GPD2: variants seen among roughly 807,000 people sequenced by gnomAD.
GPD2 encodes glycerol-3-phosphate dehydrogenase 2.
A neutral mutation model predicts 82.4 loss-of-function variants in GPD2; 54 were observed. That is an observed-to-expected ratio of 0.66 (90% CI 0.53 to 0.82). The LOEUF is 0.82. Among genes scored for constraint, GPD2 ranks in the 40% least tolerant of loss-of-function variants. The pLI is 0.00. For synonymous variants in GPD2, 288 were observed against 306.1 expected, an observed-to-expected ratio of 0.94 and a Z score of 0.62; for missense variants, 748 against 896.2, an observed-to-expected ratio of 0.83 and a Z score of 2.11.
intron 1 of GPD2, among the ~76,000 whole-genome samples, chr2:156,465,140 C>T (rs749919063): frequency 2.6e-5 from 4 of 152,156 alleles, no homozygotes; most frequent in Admixed American, 2.6e-4. Flanking sequence ...CATGAGCCAC[C>T]GTGCCCGGCC....
the GPD2 span, among the ~76,000 whole-genome samples, chr2:156,425,686 A>G: frequency 2.0e-5 from 3 of 152,164 alleles, no homozygotes; most frequent in African/African-American, 7.2e-5. Context: ...ATACAAGGTT[A>G]AGGTCGAGAG....
chr2:156,557,433 G>A lies in GPD2; in HGVS notation c.1016G>A (p.Arg339Gln), dbSNP rs759376048. Residue 339 changes from arginine to glutamine, a missense_variant, in exon 9 of 17, where the codon CGA becomes CAA. Arg to Gln is a conservative substitution (Grantham distance 43, BLOSUM62 1). Transcript: ENST00000438166. Reference sequence around the variant, plus strand: ...CTTGACCCAGCGACCAGTGATGGGCGAGTTATTTTCTTCTTACCCTGGCAA... The same window carrying A: ...CTTGACCCAGCGACCAGTGATGGGCAAGTTATTTTCTTCTTACCCTGGCAA... ...GLLDPATSDGRVIFFLPWQKM... is the reference protein window; with the variant it reads ...GLLDPATSDGQVIFFLPWQKM... The A allele has an allele frequency of 1.2e-5, 20 of 1,611,324 alleles. No homozygotes were observed. Among genetic ancestry groups the A allele is most frequent in the Non-Finnish European group, 1.7e-5 (20 of 1,177,518 alleles).
intron 2 of GPD2, among the ~76,000 whole-genome samples, chr2:156,489,068 G>T (rs1558923858): frequency 6.6e-6 from 1 of 152,106 alleles, no homozygotes; most frequent in Admixed American, 6.5e-5. Context: ...TCCTGAATTT[G>T]ATAGAGCTGC....
Position 156,513,266 on chromosome 2 carries a change from T to C in GPD2, c.498-67T>C, listed in dbSNP as rs1269639538. The stretch of plus-strand genomic sequence containing the variant: ...TTTCTTAAATGAAAGTGTCTTGTAG[T>C]GTAAGGTAATATTCTATAATGCTAT... On this transcript the variant is annotated intron_variant, in intron 5 of 16. Transcript: ENST00000438166. The C allele has an allele frequency of 1.4e-5, 15 of 1,091,770 alleles. 1 individual carries two copies. In the Admixed American group the frequency reaches 2.5e-4, roughly 18 times the overall value. 67.6% of individuals were successfully genotyped at this position (1,091,770 alleles called of 1,614,324 possible).
intron 11 of GPD2, among the ~76,000 whole-genome samples, chr2:156,569,816 G>A (rs1687545465): frequency 6.6e-6 from 1 of 152,088 alleles, no homozygotes; most frequent in Admixed American, 6.6e-5. Flanking sequence ...GCATGAAGAA[G>A]GCTGTTCTTC....
intron 3 of GPD2, among the ~76,000 whole-genome samples, chr2:156,503,203 C>A (rs1684656448): frequency 6.6e-6 from 1 of 152,194 alleles, no homozygotes; most frequent in Non-Finnish European, 1.5e-5. Context: ...GAGGCAGAGA[C>A]TTTCTTCAGT....
intron 2 of GPD2, among the ~76,000 whole-genome samples, 183 bp from the exon 3 acceptor site, chr2:156,495,861 C>T (rs1050442213): frequency 6.6e-6 from 1 of 152,066 alleles, no homozygotes; most frequent in Non-Finnish European, 1.5e-5. Context: ...AAAAGAAATA[C>T]ACCGAGAAAT....
intron 6 of GPD2, among the ~76,000 whole-genome samples, chr2:156,537,917 CAAACCCCCGAGGGG>C (rs1413142991): frequency 6.6e-6 from 1 of 152,212 alleles, no homozygotes; most frequent in Non-Finnish European, 1.5e-5. Flanking sequence ...GTAGTTCCCC[CAAACCCCCGAGGGG>C]AAGTTTTGTT....
chr2:156,497,173 C>CG (rs1359886445), intron 3 of GPD2, among the ~76,000 whole-genome samples: 2 of 151,928 alleles, frequency 1.3e-5, no homozygotes, highest in East Asian at 1.9e-4. Context: ...TGTTGGTGGA[C>CG]GGGGGGCAAA....
At chr2:156,530,368 A>G (rs949896074) in intron 6 of GPD2, among the ~76,000 whole-genome samples, 3 of 146,392 alleles carry the variant, frequency 2.0e-5, no homozygotes, top group Admixed American at 6.9e-5. Context: ...CGATCATGTC[A>G]TCTGCAAACA....
At chr2:156,465,912 C>A (rs373463296) in intron 1 of GPD2, among the ~76,000 whole-genome samples, 1 of 152,102 alleles carries the variant, frequency 6.6e-6, no homozygotes, top group Non-Finnish European at 1.5e-5. Flanking sequence ...AAGTTTTTCT[C>A]CCTGTTGTGC....
chr2:156,536,731 G>A (rs1352552572), intron 6 of GPD2, among the ~76,000 whole-genome samples: 1 of 152,188 alleles, frequency 6.6e-6, no homozygotes, highest in Non-Finnish European at 1.5e-5. Context: ...CCAGACCAAG[G>A]AGTGGCAGCA....
At chr2:156,466,682 G>A (rs1039703047) in intron 1 of GPD2, among the ~76,000 whole-genome samples, 6 of 152,082 alleles carry the variant, frequency 3.9e-5, no homozygotes, top group African/African-American at 1.4e-4. Flanking sequence ...ATAAATGCTC[G>A]ATTAACAGTT....
At chr2:156,400,504 C>T in the GPD2 span, among the ~76,000 whole-genome samples, 5 of 152,230 alleles carry the variant, frequency 3.3e-5, no homozygotes, top group African/African-American at 1.2e-4. Context: ...GCACCGGATC[C>T]CTCCAGGATC....
intron 9 of GPD2, among the ~76,000 whole-genome samples, chr2:156,562,446 A>AT (rs1199314718): frequency 1.3e-5 from 2 of 152,136 alleles, no homozygotes; most frequent in Non-Finnish European, 2.9e-5. Flanking sequence ...TATTTCTGTG[A>AT]TTAACACTTC....
At chr2:156,508,088 C>T (rs934727835) in intron 3 of GPD2, among the ~76,000 whole-genome samples, 2 of 152,042 alleles carry the variant, frequency 1.3e-5, no homozygotes, top group African/African-American at 2.4e-5. Context: ...AACTTGGTGG[C>T]GTAAAACAAC....
At chr2:156,524,792 T>G (rs1309890939) in intron 6 of GPD2, among the ~76,000 whole-genome samples, 1 of 152,172 alleles carries the variant, frequency 6.6e-6, no homozygotes, top group Non-Finnish European at 1.5e-5. Context: ...ATTTGGTGAC[T>G]AGCAACAAAA....
chr2:156,488,304 G>T (rs1330479610), intron 2 of GPD2, among the ~76,000 whole-genome samples: 1 of 152,220 alleles, frequency 6.6e-6, no homozygotes, highest in Admixed American at 6.5e-5. Flanking sequence ...ACTGTGAGGA[G>T]ATGCTTGTTG....
At chr2:156,515,265 G>A (rs892087406) in intron 6 of GPD2, among the ~76,000 whole-genome samples, 1 of 151,870 alleles carries the variant, frequency 6.6e-6, no homozygotes, top group Non-Finnish European at 1.5e-5. Context: ...AGCCAGGTGC[G>A]GTGGCATGCA....
Sources: gnomAD v4.1 joint callset for allele counts (sites outside exome capture counted in the v4.1 genomes callset) on GRCh38, gnomAD v4.1.1 for gene constraint, MANE v1.5 for transcripts, NCBI Gene and HGNC (gene_info 2026-07-23, HGNC 2026-07-21) for gene names.